Variants in CAMTA1 observed in about 807,000 individuals in gnomAD.
The protein encoded by CAMTA1 is calmodulin binding transcription activator 1.
CAMTA1 carries 27 observed loss-of-function variants against 170.9 expected under a neutral mutation model. That is an observed-to-expected ratio of 0.16 (90% CI 0.12 to 0.22). CAMTA1 has a LOEUF of 0.22. Ranked by LOEUF, CAMTA1 falls within the 10% of genes least tolerant of loss-of-function variation. The probability of loss-of-function intolerance (pLI) is 1.00; values close to 1 mark genes in which losing one functional copy is unlikely to be tolerated. For missense variants in CAMTA1, 1,619 were observed against 2,217.2 expected (o/e 0.73, Z 5.42); for synonymous variants, 833 against 891.5 (o/e 0.93, Z 1.17).
intron 22 of CAMTA1, among the ~76,000 whole-genome samples, chr1:7,755,994 C>T (rs558400198): frequency 6.6e-5 from 10 of 152,290 alleles, no homozygotes; most frequent in South Asian, 4.1e-4. Context: ...GGCCAAATAA[C>T]GCTGCGTTAT....
intron 11 of CAMTA1, among the ~76,000 whole-genome samples, chr1:7,715,365 G>A (rs549803706): frequency 4.2e-4 from 64 of 151,970 alleles, no homozygotes; most frequent in Non-Finnish European, 8.8e-4. Flanking sequence ...GGGGGGTTCT[G>A]TAAGGATCTG....
intron 4 of CAMTA1, among the ~76,000 whole-genome samples, chr1:7,183,483 C>G (rs1295756759): frequency 1.3e-5 from 2 of 152,202 alleles, no homozygotes; most frequent in Non-Finnish European, 2.9e-5. Context: ...AGATATACCT[C>G]AAAAGTATGA....
Position 7,561,666 on chromosome 1 carries a change from C to T in CAMTA1, c.511-78734C>T, listed in dbSNP as rs1040456154. Among the ~76,000 whole-genome samples the T allele has an allele frequency of 6.6e-6, 1 of 151,998 alleles. No individual in the cohort carries two copies. Among genetic ancestry groups the T allele is most frequent in the Non-Finnish European group, 1.5e-5 (1 of 67,968 alleles). On this transcript the variant is annotated intron_variant, in intron 6 of 22. Transcript: ENST00000303635. The surrounding 1 kb of genome is among the most constrained non-coding windows in gnomAD (Gnocchi z 5.3). ...AGTGGCACAGGATCAGCAGGCAAGGCTCCATGATGCCCGTCAGAGGCCACC... is the reference window on the plus strand; with the variant it reads ...AGTGGCACAGGATCAGCAGGCAAGGTTCCATGATGCCCGTCAGAGGCCACC...
intron 4 of CAMTA1, among the ~76,000 whole-genome samples, chr1:7,242,775 T>TA (rs1166111407): frequency 3.0e-5 from 1 of 32,996 alleles, no homozygotes; most frequent in African/African-American, 6.5e-5. Context: ...GAAAATAAAA[T>TA]AAATAAATAA....
At chr1:7,725,863 G>C (rs552827597) in intron 11 of CAMTA1, among the ~76,000 whole-genome samples, 3 of 152,174 alleles carry the variant, frequency 2.0e-5, no homozygotes, top group Non-Finnish European at 4.4e-5. Flanking sequence ...AGCAGAAGCC[G>C]CCATCTAGGG....
intron 6 of CAMTA1, among the ~76,000 whole-genome samples, chr1:7,620,792 G>A (rs1029962969): frequency 3.9e-5 from 6 of 152,182 alleles, no homozygotes; most frequent in Non-Finnish European, 8.8e-5. Context: ...AATTTTGGCC[G>A]GGGCTGAGAT....
intron 6 of CAMTA1, among the ~76,000 whole-genome samples, chr1:7,607,118 AGGATGGAT>A (rs749176148): frequency 4.0e-5 from 6 of 149,562 alleles, no homozygotes; most frequent in African/African-American, 7.5e-5. Context: ...GGTAGATGGA[AGGATGGAT>A]GGATGGATGG....
At position 7,738,019 on chromosome 1, in the gene CAMTA1, A is replaced by G; in HGVS notation, c.3719A>G (p.Tyr1240Cys). Residue 1240 changes from tyrosine (Y) to cysteine (C), a missense_variant, in exon 16 of 23, where the codon TAT becomes TGT. Around this residue, in one of 8 missense-constraint regions of CAMTA1, gnomAD observed 370 missense variants for 429.4 expected, o/e 0.86. Transcript: ENST00000303635. The surrounding 1 kb of genome is among the most constrained non-coding windows in gnomAD (Gnocchi z 4.9). ...TACAGCAGTGAGAGCCACAAAGATT[A>G]TCCGGCTCCCAAAAAGCATAAATTG... is the stretch of plus-strand genomic sequence containing the variant. ...NYYSSESHKD[Y>C]PAPKKHKLNP... 1 of 1,614,156 alleles carries G rather than the reference A, an allele frequency of 6.2e-7. No individual in the cohort carries two copies. The highest frequency in any genetic ancestry group is 8.5e-7 in the Non-Finnish European group (1 of 1,180,008).
At chr1:6,890,972 T>G (rs1674388966) in intron 3 of CAMTA1, among the ~76,000 whole-genome samples, 1 of 152,204 alleles carries the variant, frequency 6.6e-6, no homozygotes, top group Non-Finnish European at 1.5e-5. Context: ...TTTCATGAGT[T>G]TCTTTAGCTG....
At position 7,664,956 on chromosome 1, in the gene CAMTA1, C is replaced by G. The variant is rs1360406692; in HGVS notation, c.2409C>G (p.Leu803=). ...HQLVSGDSTA[L]SQSEDGARAP... is the part of the protein sequence containing the mutation. ...TGGTGTCGGGGGACAGCACGGCGCTCTCACAGTCAGAGGACGGGGCGCGGG... is the reference window on the plus strand; with the variant it reads ...TGGTGTCGGGGGACAGCACGGCGCTGTCACAGTCAGAGGACGGGGCGCGGG... The change falls in exon 9 of 23, where the codon CTC becomes CTG. Residue 803 remains leucine, a synonymous_variant. Transcript: ENST00000303635. 6.2e-7 allele frequency: 1 copy of G among 1,612,802 alleles called. No homozygotes were observed. The highest frequency in any genetic ancestry group is 1.3e-5 in the African/African-American group (1 of 74,952).
At chr1:7,201,600 T>C (rs1656711968) in intron 4 of CAMTA1, among the ~76,000 whole-genome samples, 1 of 152,188 alleles carries the variant, frequency 6.6e-6, no homozygotes, top group South Asian at 2.1e-4. Flanking sequence ...TGTCATCTCT[T>C]TATGGTTTTG....
At chr1:6,823,564 C>CA in intron 2 of CAMTA1, among the ~76,000 whole-genome samples, 2 of 152,176 alleles carry the variant, frequency 1.3e-5, no homozygotes, top group East Asian at 3.9e-4. Context: ...TGCCAAAACT[C>CA]TCTTAAGTTC....
At chr1:7,174,897 G>A (rs1650457589) in intron 4 of CAMTA1, among the ~76,000 whole-genome samples, 1 of 152,218 alleles carries the variant, frequency 6.6e-6, no homozygotes, top group Non-Finnish European at 1.5e-5. Context: ...TGTGTCTAAG[G>A]CAGAAGAGAT....
At chr1:7,629,463 T>C (rs1213872893) in intron 6 of CAMTA1, among the ~76,000 whole-genome samples, 1 of 152,082 alleles carries the variant, frequency 6.6e-6, no homozygotes, top group Non-Finnish European at 1.5e-5. Context: ...CTTGCAATAA[T>C]GAGTCTCATA....
intron 4 of CAMTA1, among the ~76,000 whole-genome samples, chr1:7,107,229 C>T (rs959773628): frequency 4.0e-5 from 6 of 150,838 alleles, no homozygotes; most frequent in African/African-American, 7.4e-5. Context: ...AGTTCCCAGA[C>T]GGCACACGCA....
At chr1:6,806,644 C>T (rs1009628302) in intron 1 of CAMTA1, among the ~76,000 whole-genome samples, 3 of 152,106 alleles carry the variant, frequency 2.0e-5, no homozygotes, top group African/African-American at 4.8e-5. Context: ...ACAGCTCTTC[C>T]ACGTAGCGTG....
intron 5 of CAMTA1, among the ~76,000 whole-genome samples, chr1:7,280,509 G>C (rs1446130675): frequency 6.6e-6 from 1 of 152,210 alleles, no homozygotes; most frequent in Non-Finnish European, 1.5e-5. Flanking sequence ...TGCTAAGGGT[G>C]GGCCCAGGGT....
intron 5 of CAMTA1, among the ~76,000 whole-genome samples, chr1:7,451,152 G>A (rs1403855940): frequency 6.6e-6 from 1 of 152,198 alleles, no homozygotes; most frequent in Non-Finnish European, 1.5e-5. Flanking sequence ...AAAGCACTGA[G>A]CCAGCCCCAT....
rs576081748 is a variant in CAMTA1 at position 7,616,692 on chromosome 1, G to A, written c.511-23708G>A. ...CCAAGTCCCCTGTGTGAGCTGGAGG[G>A]AATGGAACACTAGCAGGCAGAGGGA... On this transcript the variant is annotated intron_variant, in intron 6 of 22. Coordinates refer to ENST00000303635, the MANE Select transcript of CAMTA1 (RefSeq NM_015215.4). Among the ~76,000 whole-genome samples the A allele has an allele frequency of 3.1e-3, 479 of 152,288 alleles. 2 individuals carry two copies. The highest frequency in any genetic ancestry group is 0.011 in the African/African-American group (448 of 41,558).
Sources: allele counts gnomAD v4.1 joint callset (sites outside exome capture counted in the v4.1 genomes callset), GRCh38; gene constraint gnomAD v4.1.1; regional missense constraint gnomAD v4.1.1; non-coding constraint Gnocchi (gnomAD v3.1); transcripts MANE v1.5; gene names NCBI Gene and HGNC (gene_info 2026-07-23, HGNC 2026-07-21).